ARHGAP40: variants seen among roughly 807,000 people sequenced by gnomAD.
ARHGAP40 encodes the protein rho GTPase-activating protein 40.
A neutral mutation model predicts 73.5 loss-of-function variants in ARHGAP40; 43 were observed. That is an observed-to-expected ratio of 0.58 (90% CI 0.46 to 0.75). ARHGAP40 has a LOEUF of 0.75. ARHGAP40 is among the 30% of genes least tolerant of loss of function. The pLI, the probability that ARHGAP40 is intolerant of heterozygous loss-of-function variation, is 0.00. For missense variants in ARHGAP40, 734 were observed against 861.8 expected (o/e 0.85, Z 1.86); for synonymous variants, 300 against 352.8 (o/e 0.85, Z 1.68).
At chr20:38,634,696 C>T (rs1311888051) in exon 6 of ARHGAP40, 2 of 1,305,384 alleles carry the variant, frequency 1.5e-6, no homozygotes, top group Admixed American at 4.6e-5. Flanking sequence ...AGGAAGGTAC[C>T]TTCTCTGGCC....
At chr20:38,613,385 A>C (rs1323982747) in intron 1 of ARHGAP40, among the ~76,000 whole-genome samples, 1 of 152,142 alleles carries the variant, frequency 6.6e-6, no homozygotes, top group Non-Finnish European at 1.5e-5. Context: ...AAACCTATGC[A>C]ATTCTCTGAA....
At chr20:38,641,959 T>C (rs542889322) in intron 10 of ARHGAP40, among the ~76,000 whole-genome samples, 151 bp downstream of exon 10, 1 of 152,210 alleles carries the variant, frequency 6.6e-6, no homozygotes, top group Admixed American at 6.5e-5. Context: ...CTCTTGAGAC[T>C]TTTTCTTAAA....
intron 1 of ARHGAP40, among the ~76,000 whole-genome samples, chr20:38,616,538 A>G (rs2088840453): frequency 6.6e-6 from 1 of 152,222 alleles, no homozygotes; most frequent in Admixed American, 6.5e-5. Context: ...ACCGTTGTAC[A>G]AGCGGCTTAT....
At chr20:38,637,784 G>T (rs41282834) in exon 7 of ARHGAP40, 9 of 1,305,102 alleles carry the variant, frequency 6.9e-6, no homozygotes, top group Admixed American at 2.3e-5. Context: ...CACAGGTCCC[G>T]CTGGTCCTTC....
intron 2 of ARHGAP40, 105 bp from the exon 3 acceptor site, chr20:38,626,890 C>A (rs2088901287): frequency 2.3e-6 from 2 of 869,880 alleles, no homozygotes; most frequent in Non-Finnish European, 3.2e-6. Context: ...TATGCAGAAA[C>A]TCCTGTGTCC....
At chr20:38,607,022 T>C (rs1462977675) in intron 1 of ARHGAP40, among the ~76,000 whole-genome samples, 1 of 152,202 alleles carries the variant, frequency 6.6e-6, no homozygotes, top group Non-Finnish European at 1.5e-5. Context: ...ACCTGCTTCA[T>C]AGACTTGTTG....
intron 1 of ARHGAP40, among the ~76,000 whole-genome samples, chr20:38,608,398 C>T (rs1183101158): frequency 6.6e-6 from 1 of 152,158 alleles, no homozygotes; most frequent in East Asian, 1.9e-4. Context: ...ACTACTCTGT[C>T]CCCTCGGGCT....
intron 1 of ARHGAP40, chr20:38,615,484 C>T (rs1225240653): frequency 1.3e-5 from 9 of 674,682 alleles, no homozygotes; most frequent in South Asian, 4.5e-5. Flanking sequence ...CATGGCGGCG[C>T]GAGTGGCCAG....
intron 2 of ARHGAP40, among the ~76,000 whole-genome samples, chr20:38,624,399 G>C (rs949572115): frequency 3.3e-5 from 5 of 152,140 alleles, no homozygotes; most frequent in African/African-American, 1.2e-4. Flanking sequence ...GCTGCATTCT[G>C]TTACCCTGCA....
intron 1 of ARHGAP40, among the ~76,000 whole-genome samples, chr20:38,607,825 C>G (rs1226253500): frequency 6.6e-6 from 1 of 152,140 alleles, no homozygotes; most frequent in African/African-American, 2.4e-5. Context: ...TTCGCATTGC[C>G]CTGATTACTT....
intron 10 of ARHGAP40, among the ~76,000 whole-genome samples, 197 bp from the exon 11 acceptor site, chr20:38,643,507 G>C (rs1413304356): frequency 6.6e-6 from 1 of 152,218 alleles, no homozygotes; most frequent in Non-Finnish European, 1.5e-5. Context: ...TGGACACACT[G>C]CAGAGCAGGA....
At chr20:38,647,882 G>A (rs901268111) in intron 13 of ARHGAP40, among the ~76,000 whole-genome samples, 3 of 152,240 alleles carry the variant, frequency 2.0e-5, no homozygotes, top group Admixed American at 1.3e-4. Context: ...AAGGAAGCTG[G>A]TGTCATCTGG....
At chr20:38,623,190 G>A (rs905353255) in intron 1 of ARHGAP40, among the ~76,000 whole-genome samples, 169 bp from the exon 2 acceptor site, 13 of 152,316 alleles carry the variant, frequency 8.5e-5, no homozygotes, top group African/African-American at 2.9e-4. Flanking sequence ...TCCCGCAGGG[G>A]TGATGGGTCA....
chr20:38,620,846 G>T (rs919764858), intron 1 of ARHGAP40, among the ~76,000 whole-genome samples: 1 of 152,216 alleles, frequency 6.6e-6, no homozygotes, highest in Non-Finnish European at 1.5e-5. Context: ...TTTAGGACTC[G>T]GAGTTGAGCT....
chr20:38,639,337 G>A (rs1399405438), exon 9 of ARHGAP40: 11 of 1,305,402 alleles, frequency 8.4e-6, no homozygotes, highest in African/African-American at 4.6e-5. Flanking sequence ...GGAAGCTGCC[G>A]ACACCTTTGC....
exon 1 of ARHGAP40, chr20:38,602,025 C>A: frequency 7.8e-7 from 1 of 1,287,494 alleles, no homozygotes. Flanking sequence ...CCTCGGATCC[C>A]GCGGGCCCGC....
intron 6 of ARHGAP40, among the ~76,000 whole-genome samples, chr20:38,637,469 A>G (rs1368661962): frequency 6.6e-6 from 1 of 151,996 alleles, no homozygotes; most frequent in Non-Finnish European, 1.5e-5. Context: ...TTCTTTAACC[A>G]GCTAAGATTT....
chr20:38,637,823 G>T, intron 7 of ARHGAP40, 24 bp downstream of exon 7: 1 of 1,300,958 alleles, frequency 7.7e-7, no homozygotes, highest in Non-Finnish European at 1.0e-6. Context: ...ACCCCAGCTT[G>T]GGTTTATTTA....
At chr20:38,637,885 G>C (rs1471113329) in intron 7 of ARHGAP40, 86 bp downstream of exon 7, 2 of 1,079,952 alleles carry the variant, frequency 1.9e-6, no homozygotes. Context: ...TCCAGCAAAG[G>C]GGTGAAAGGA....
Sources: gnomAD v4.1 joint callset for allele counts (sites outside exome capture counted in the v4.1 genomes callset) on GRCh38, gnomAD v4.1.1 for gene constraint, MANE v1.5 for transcripts, NCBI Gene and HGNC (gene_info 2026-07-23, HGNC 2026-07-21) for gene names.